The following CCDC178 variants were observed in gnomAD, a reference collection of about 807,000 sequenced individuals.
The protein encoded by CCDC178 is coiled-coil domain containing 178, also known as coiled-coil domain-containing protein 178.
In CCDC178, 126 loss-of-function variants were observed where a neutral mutation model predicts 117.4. That is an observed-to-expected ratio of 1.07 (90% CI 0.93 to 1.24). The LOEUF is 1.24. CCDC178 is among the 50% of genes most tolerant of loss of function. CCDC178 has a pLI of 0.00. For missense variants in CCDC178, 1,030 were observed against 986.9 expected, an observed-to-expected ratio of 1.04 and a Z score of -0.59; for synonymous variants, 283 against 313.4, an observed-to-expected ratio of 0.90 and a Z score of 1.02.
chr18:33,179,852 G>A (rs143062123), intron 20 of CCDC178, among the ~76,000 whole-genome samples: 2 of 151,960 alleles, frequency 1.3e-5, no homozygotes, highest in African/African-American at 4.8e-5. Context: ...TTTTAACACC[G>A]CTAGTCTACA....
intron 22 of CCDC178, among the ~76,000 whole-genome samples, chr18:32,948,067 T>C (rs1032466719): frequency 2.6e-5 from 4 of 152,142 alleles, no homozygotes; most frequent in East Asian, 3.8e-4. Context: ...TTGATATATT[T>C]TGATCCAATG....
intron 11 of CCDC178, among the ~76,000 whole-genome samples, chr18:33,315,376 A>G (rs1007839785): frequency 6.6e-6 from 1 of 152,176 alleles, no homozygotes; most frequent in African/African-American, 2.4e-5. Flanking sequence ...TGGTTGCACC[A>G]ATTTAACCAA....
chr18:33,356,297 G>GT (rs2063055711), intron 7 of CCDC178, 27 bp downstream of exon 7: 2 of 1,463,338 alleles, frequency 1.4e-6, no homozygotes, highest in East Asian at 5.0e-5. Context: ...AAATAAAATA[G>GT]TTTTAAAAAG....
chr18:33,057,560 G>A (rs898196742), intron 21 of CCDC178, among the ~76,000 whole-genome samples: 2 of 151,972 alleles, frequency 1.3e-5, no homozygotes, highest in African/African-American at 4.8e-5. Flanking sequence ...GGCGCGATCT[G>A]GGCTCACTGC....
chr18:33,192,159 C>A (rs2058866922), intron 20 of CCDC178, among the ~76,000 whole-genome samples: 1 of 152,094 alleles, frequency 6.6e-6, no homozygotes. Flanking sequence ...TACAGTTGGC[C>A]ATTGTACTTA....
chr18:33,357,264 G>A (rs1410486862), intron 6 of CCDC178, among the ~76,000 whole-genome samples: 1 of 152,104 alleles, frequency 6.6e-6, no homozygotes, highest in Non-Finnish European at 1.5e-5. Flanking sequence ...AGGCTGCCAT[G>A]GACCATGGTT....
At chr18:33,103,328 A>C (rs273023) in intron 20 of CCDC178, among the ~76,000 whole-genome samples, 21,572 of 151,468 alleles carry the variant, frequency 0.14, 2,389 homozygotes, top group African/African-American at 0.31. Context: ...TTATCTCCCA[A>C]CAGGTCCCTC....
At chr18:33,143,020 A>C (rs1260832738) in intron 20 of CCDC178, among the ~76,000 whole-genome samples, 1 of 152,136 alleles carries the variant, frequency 6.6e-6, no homozygotes, top group Non-Finnish European at 1.5e-5. Flanking sequence ...AAATATCACT[A>C]TATGCTTCCA....
chr18:33,395,194 A>C (rs2063619409), intron 4 of CCDC178, among the ~76,000 whole-genome samples: 1 of 151,340 alleles, frequency 6.6e-6, no homozygotes, highest in Admixed American at 6.6e-5. Context: ...CCATAGACAA[A>C]ATTTAAGTGA....
chr18:33,271,813 C>T (rs1180194339), intron 12 of CCDC178, among the ~76,000 whole-genome samples: 2 of 151,272 alleles, frequency 1.3e-5, no homozygotes, highest in African/African-American at 4.8e-5. Context: ...TCCTTGATAA[C>T]CAACAAGTAT....
intron 2 of CCDC178, among the ~76,000 whole-genome samples, chr18:33,425,105 T>TA (rs2144947697): frequency 6.6e-6 from 1 of 152,124 alleles, no homozygotes; most frequent in East Asian, 1.9e-4. Flanking sequence ...GAACTGAAAG[T>TA]AAAAAATAAA....
chr18:33,408,667 T>A (rs1190567903), intron 3 of CCDC178, among the ~76,000 whole-genome samples: 1 of 152,146 alleles, frequency 6.6e-6, no homozygotes, highest in Non-Finnish European at 1.5e-5. Context: ...TGTTTACACA[T>A]GCAAAGTATT....
intron 20 of CCDC178, among the ~76,000 whole-genome samples, chr18:33,177,795 C>A (rs181729103): frequency 3.6e-4 from 55 of 152,198 alleles, no homozygotes; most frequent in African/African-American, 1.2e-3. Flanking sequence ...TCTCTAGTAT[C>A]TTTTACTTTT....
intron 22 of CCDC178, among the ~76,000 whole-genome samples, chr18:32,963,671 A>T (rs1226674150): frequency 6.6e-6 from 1 of 151,988 alleles, no homozygotes; most frequent in Non-Finnish European, 1.5e-5. Context: ...GATGTAGTTT[A>T]TGAGTTCTCT....
At chr18:33,207,208 T>G (rs1468820403) in intron 20 of CCDC178, among the ~76,000 whole-genome samples, 1 of 152,084 alleles carries the variant, frequency 6.6e-6, no homozygotes, top group South Asian at 2.1e-4. Context: ...GAAAAAGAAC[T>G]AAATAAACCT....
intron 15 of CCDC178, among the ~76,000 whole-genome samples, chr18:33,228,425 T>C (rs1035249439): frequency 6.6e-6 from 1 of 152,204 alleles, no homozygotes; most frequent in African/African-American, 2.4e-5. Flanking sequence ...AAAGAACTTG[T>C]GGATGTGTGG....
chr18:33,259,666 C>G (rs1379794189), intron 14 of CCDC178, among the ~76,000 whole-genome samples: 1 of 152,096 alleles, frequency 6.6e-6, no homozygotes, highest in Non-Finnish European at 1.5e-5. Context: ...CCCCACCAGT[C>G]CCTCTCCCAA....
chr18:33,264,462 C>A (rs1291981661), intron 14 of CCDC178, among the ~76,000 whole-genome samples: 2 of 151,892 alleles, frequency 1.3e-5, no homozygotes, highest in African/African-American at 4.8e-5. Context: ...TTTATTAATT[C>A]TCTGTTCAGC....
intron 21 of CCDC178, among the ~76,000 whole-genome samples, chr18:33,073,661 C>T (rs1038672506): frequency 6.6e-6 from 1 of 151,980 alleles, no homozygotes; most frequent in Non-Finnish European, 1.5e-5. Context: ...CCACTGGGAA[C>T]GATCATCTAG....
Sources: gnomAD v4.1 joint callset for allele counts (sites outside exome capture counted in the v4.1 genomes callset) on GRCh38, gnomAD v4.1.1 for gene constraint, MANE v1.5 for transcripts, NCBI Gene and HGNC (gene_info 2026-07-23, HGNC 2026-07-21) for gene names.